MITD1: variants seen among roughly 807,000 people sequenced by gnomAD.
The protein encoded by MITD1 is microtubule interacting and trafficking domain containing 1.
MITD1 carries 24 observed loss-of-function variants against 34.9 expected under a neutral mutation model. The observed-to-expected ratio is 0.69, with a 90% CI of 0.50 to 0.97. The LOEUF (loss-of-function observed/expected upper bound fraction) is 0.97. Ranked by LOEUF, MITD1 falls within the 50% of genes least tolerant of loss-of-function variation. The pLI is 0.00. For synonymous variants in MITD1, 102 were observed against 101.4 expected, an observed-to-expected ratio of 1.01 and a Z score of -0.04; for missense variants, 266 against 294.6, an observed-to-expected ratio of 0.90 and a Z score of 0.71.
intron 5 of MITD1, 28 bp from the exon 6 acceptor site, chr2:99,169,638 T>C (rs777583988): frequency 2.0e-6 from 3 of 1,530,200 alleles, no homozygotes; most frequent in Admixed American, 1.7e-5. Context: ...TAGTATTATA[T>C]TCAAGACATT....
In MITD1 at chr2:99,174,030, AAT is replaced by A; in HGVS notation, c.152-16_152-15del. 8.3e-7 allele frequency: 1 copy of A among 1,201,884 alleles called. No individual in the cohort carries two copies. Among genetic ancestry groups the A allele is most frequent in the East Asian group, 2.4e-5 (1 of 41,374 alleles). The allele number at this position is 1,201,884 out of a possible 1,614,324, so 74.5% of individuals were successfully genotyped here. A position where few individuals can be genotyped will look rare whatever the true frequency, so the allele number is the denominator to read the frequency against. The stretch of plus-strand genomic sequence containing the variant: ...TATCTTTGGTACCTACAAATTTAAA[AAT>A]ATATATTATCAAGTATCAAAATAGT... On this transcript the variant is annotated splice_polypyrimidine_tract_variant and intron_variant, in intron 1 of 6. Transcript: ENST00000289359.
At chr2:99,174,390 A>G (rs2093875365) in intron 1 of MITD1, among the ~76,000 whole-genome samples, 1 of 152,184 alleles carries the variant, frequency 6.6e-6, no homozygotes, top group African/African-American at 2.4e-5. Context: ...TTTATCTTCC[A>G]CAAAACCAGC....
In MITD1 at chr2:99,173,912, T is replaced by C. The variant is rs755226785; in HGVS notation, c.253+3A>G. The C allele has an allele frequency of 6.3e-7, 1 of 1,582,590 alleles. No homozygotes were observed. Among genetic ancestry groups the C allele is most frequent in the South Asian group, 1.1e-5 (1 of 89,812 alleles). On this transcript the variant is annotated splice_donor_region_variant and intron_variant, in intron 2 of 6. Transcript: ENST00000289359. ...GATGCATTTTCTAAAACAACCTCTTTACCTTCTTTTTCTTGGTCCAAGTAC... is the reference window on the plus strand; with the variant it reads ...GATGCATTTTCTAAAACAACCTCTTCACCTTCTTTTTCTTGGTCCAAGTAC...
chr2:99,165,866 G>A (rs2093824526), downstream of MITD1, among the ~76,000 whole-genome samples: 1 of 152,146 alleles, frequency 6.6e-6, no homozygotes, highest in Admixed American at 6.5e-5. Flanking sequence ...ACCCTTCTCT[G>A]GAAGTAGCGA....
intron 1 of MITD1, among the ~76,000 whole-genome samples, chr2:99,178,837 T>A (rs8179690): frequency 0.6 from 90,910 of 152,004 alleles, 27,969 homozygotes; most frequent in East Asian, 0.88. Flanking sequence ...AAGGCCATCC[T>A]CAATGTGATC....
At chr2:99,162,661 A>G (rs2093805381) in intron 7 of MITD1, 9 of 1,614,132 alleles carry the variant, frequency 5.6e-6, no homozygotes, top group East Asian at 2.2e-5. Context: ...GCTACAGAGT[A>G]TGCTGCTTAT....
In MITD1 at chr2:99,173,923, T is replaced by C; in HGVS notation, c.245A>G (p.Glu82Gly). 2 of 1,601,050 alleles carry C rather than the reference T, an allele frequency of 1.2e-6. No individual in the cohort carries two copies. Among genetic ancestry groups the C allele is most frequent in the Non-Finnish European group, 1.7e-6 (2 of 1,169,082 alleles). ...AENIKKYLDQ[E>G]KEDGKYHKQI... ...TAAAACAACCTCTTTACCTTCTTTT[T>C]CTTGGTCCAAGTACTTCTTTATGTT... Residue 82 changes from glutamate (E) to glycine (G), a missense_variant, in exon 2 of 7, where the codon GAA becomes GGA. Physicochemically the swap from Glu to Gly is moderately conservative, Grantham distance 98. Coordinates refer to ENST00000289359, the MANE Select transcript of MITD1 (RefSeq NM_138798.3).
chr2:99,164,864 T>C (rs1374002600), downstream of MITD1, among the ~76,000 whole-genome samples: 1 of 113,398 alleles, frequency 8.8e-6, no homozygotes, highest in African/African-American at 2.6e-5. Flanking sequence ...AGAGAGGATA[T>C]CATCAGGCAA....
chr2:99,173,483 C>T, intron 2 of MITD1: 1 of 470,076 alleles, frequency 2.1e-6, no homozygotes, highest in Non-Finnish European at 4.4e-6. Context: ...TGAGAGAAAT[C>T]CCAGGAGTTT....
intron 1 of MITD1, chr2:99,178,215 A>C (rs931464493): frequency 6.6e-6 from 1 of 152,210 alleles, no homozygotes; most frequent in Non-Finnish European, 1.5e-5. Context: ...TAGTGGGATC[A>C]ATGGATCATA....
At chr2:99,170,749 G>A in intron 4 of MITD1, 97 bp from the exon 5 acceptor site, 3 of 576,286 alleles carry the variant, frequency 5.2e-6, no homozygotes, top group Non-Finnish European at 6.3e-6. Flanking sequence ...GGATTAAGAT[G>A]GAAATGTTCT....
rs771902858 is a variant in MITD1 at position 99,181,013 on chromosome 2, G to A, written c.-32C>T. 1.2e-6 allele frequency: 2 copies of A among 1,602,392 alleles called. No homozygotes were observed. Among genetic ancestry groups the A allele is most frequent in the South Asian group, 2.2e-5 (2 of 89,480 alleles). On this transcript the variant is annotated 5_prime_UTR_variant, in exon 1 of 7. Transcript: ENST00000289359. ...GGAAGTTCTCCTCCGCCTCAACCCA[G>A]GATGAAGTTGAGCGGGTCTGCTGCG...
At chr2:99,171,454 T>C (rs1161977292) in intron 3 of MITD1, 25 bp from the exon 4 acceptor site, 1 of 1,600,158 alleles carries the variant, frequency 6.2e-7, no homozygotes, top group East Asian at 2.2e-5. Context: ...AATGGATTAT[T>C]ACTAATTTAG....
intron 1 of MITD1, among the ~76,000 whole-genome samples, chr2:99,179,649 G>A (rs540325045): frequency 6.6e-6 from 1 of 152,086 alleles, no homozygotes; most frequent in Admixed American, 6.5e-5. Flanking sequence ...TGCAACCTCC[G>A]CCTCCCGGAT....
chr2:99,165,249 G>T (rs2093822754), downstream of MITD1, among the ~76,000 whole-genome samples: 1 of 151,870 alleles, frequency 6.6e-6, no homozygotes, highest in Non-Finnish European at 1.5e-5. Flanking sequence ...TGTATTTTGA[G>T]TGCAGACAGG....
chr2:99,165,019 TACACACACACACACACACACACACACAC>T (rs56958044), downstream of MITD1, among the ~76,000 whole-genome samples: 1 of 136,670 alleles, frequency 7.3e-6, no homozygotes, highest in Admixed American at 7.4e-5. Context: ...CAAAATGGCA[TACACACACACACACACACACACACACAC>T]ACACACACAC....
intron 1 of MITD1, 113 bp downstream of exon 1, chr2:99,180,718 A>T: frequency 1.1e-6 from 1 of 902,930 alleles, no homozygotes; most frequent in Non-Finnish European, 1.8e-6. Flanking sequence ...TTCTGTATTT[A>T]ACTGCTTCTT....
chr2:99,166,241 G>A (rs960945023), downstream of MITD1, among the ~76,000 whole-genome samples: 2 of 151,842 alleles, frequency 1.3e-5, no homozygotes, highest in Non-Finnish European at 2.9e-5. Context: ...GAGAACTTCG[G>A]TATTTAAAAT....
downstream of MITD1, among the ~76,000 whole-genome samples, chr2:99,168,627 A>G (rs2093837710): frequency 6.6e-6 from 1 of 152,242 alleles, no homozygotes; most frequent in African/African-American, 2.4e-5. Context: ...GAGCTGCAAA[A>G]TGCATTTGGA....
Sources: allele counts gnomAD v4.1 joint callset (sites outside exome capture counted in the v4.1 genomes callset), GRCh38; gene constraint gnomAD v4.1.1; transcripts MANE v1.5; gene names NCBI Gene and HGNC (gene_info 2026-07-23, HGNC 2026-07-21).